USP53: variants seen among roughly 807,000 people sequenced by gnomAD.
USP53 encodes the protein ubiquitin specific peptidase 53.
In USP53, 71 loss-of-function variants were observed where a neutral mutation model predicts 94.9. The observed-to-expected ratio is 0.75, with a 90% CI of 0.62 to 0.91. The LOEUF (loss-of-function observed/expected upper bound fraction) is 0.91. Ranked by LOEUF, USP53 falls within the 40% of genes least tolerant of loss-of-function variation. The pLI is 0.00. For synonymous variants in USP53, 375 were observed against 422.7 expected, an observed-to-expected ratio of 0.89 and a Z score of 1.39; for missense variants, 1,173 against 1,281.0, an observed-to-expected ratio of 0.92 and a Z score of 1.29.
At chr4:119,247,687 A>G (rs1388063286) in intron 6 of USP53, among the ~76,000 whole-genome samples, 1 of 152,172 alleles carries the variant, frequency 6.6e-6, no homozygotes, top group East Asian at 1.9e-4. Context: ...TATACGAGGG[A>G]GGCAAAAAAT....
At chr4:119,283,135 G>C (rs949272184) in intron 17 of USP53, among the ~76,000 whole-genome samples, 3 of 151,818 alleles carry the variant, frequency 2.0e-5, no homozygotes, top group African/African-American at 7.3e-5. Context: ...TTATATTTGG[G>C]AACATTGTTT....
chr4:119,287,135 A>G (rs1268922458), intron 17 of USP53, among the ~76,000 whole-genome samples: 2 of 152,086 alleles, frequency 1.3e-5, no homozygotes, highest in South Asian at 2.1e-4. Flanking sequence ...TTTTGAGGCA[A>G]TTGTTTATTC....
intron 2 of USP53, among the ~76,000 whole-genome samples, chr4:119,215,394 T>C (rs79227693): frequency 0.04 from 6,116 of 152,274 alleles, 423 homozygotes; most frequent in African/African-American, 0.14. Flanking sequence ...TTATGTAATA[T>C]TGTAATCTTT....
At chr4:119,267,546 T>TTG in intron 13 of USP53, 64 bp downstream of exon 13, 4 of 1,459,892 alleles carry the variant, frequency 2.7e-6, no homozygotes, top group Non-Finnish European at 3.7e-6. Context: ...GGAATACTAG[T>TTG]ACTCTGAATA....
At chr4:119,242,550 T>C (rs574479065) in intron 5 of USP53, among the ~76,000 whole-genome samples, 13 of 152,246 alleles carry the variant, frequency 8.5e-5, no homozygotes, top group East Asian at 7.7e-4. Flanking sequence ...AGTTTCCTCA[T>C]AGTACACCCC....
intron 2 of USP53, among the ~76,000 whole-genome samples, chr4:119,215,539 A>G (rs1743604599): frequency 1.3e-5 from 2 of 152,218 alleles, no homozygotes; most frequent in Admixed American, 1.3e-4. Flanking sequence ...TGTTGAACCA[A>G]AAGCCCATGA....
intron 2 of USP53, among the ~76,000 whole-genome samples, chr4:119,214,914 A>G (rs1561168456): frequency 6.6e-6 from 1 of 152,206 alleles, no homozygotes; most frequent in Admixed American, 6.5e-5. Context: ...GCTTTACCCT[A>G]CAACTTTCCG....
At chr4:119,226,449 A>G (rs1391850362) in intron 3 of USP53, among the ~76,000 whole-genome samples, 1 of 152,224 alleles carries the variant, frequency 6.6e-6, no homozygotes, top group African/African-American at 2.4e-5. Context: ...CAAAAAATCA[A>G]TTATATTTCT....
intron 17 of USP53, among the ~76,000 whole-genome samples, chr4:119,279,543 GCTGT>G (rs35883626): frequency 0.29 from 42,649 of 148,228 alleles, 5,875 homozygotes; most frequent in East Asian, 0.37. Flanking sequence ...AGAGGTTACT[GCTGT>G]CTTTTTGTTT....
Position 119,267,461 on chromosome 4 carries a change from A to G in USP53, c.1114A>G (p.Lys372Glu). 6.2e-7 allele frequency: 1 copy of G among 1,606,744 alleles called. No individual in the cohort carries two copies. Among genetic ancestry groups the G allele is most frequent in the Non-Finnish European group, 8.5e-7 (1 of 1,178,234 alleles). ...LRQVISWSHY[K>E]SVAENMGCEK... ...GCAGGTCATCAGCTGGTCACATTAC[A>G]AATCTGTTGCAGAAAATATGGGTAA... Residue 372 changes from lysine (K) to glutamate (E), a missense_variant, in exon 13 of 19, where the codon AAA (lysine) becomes GAA (glutamate). Coordinates refer to ENST00000692078, the MANE Select transcript of USP53 (RefSeq NM_001371395.1).
At chr4:119,244,487 T>G (rs1747960080) in intron 5 of USP53, among the ~76,000 whole-genome samples, 1 of 152,192 alleles carries the variant, frequency 6.6e-6, no homozygotes, top group Admixed American at 6.5e-5. Flanking sequence ...ATTTGTTTGT[T>G]GTAATAGTAG....
chr4:119,252,049 A>G (rs1380987359), intron 7 of USP53, among the ~76,000 whole-genome samples: 1 of 152,180 alleles, frequency 6.6e-6, no homozygotes, highest in Non-Finnish European at 1.5e-5. Context: ...TGATTTGTGT[A>G]TGTTGAACCA....
At chr4:119,257,397 G>T (rs1365107646) in intron 9 of USP53, among the ~76,000 whole-genome samples, 1 of 152,118 alleles carries the variant, frequency 6.6e-6, no homozygotes, top group South Asian at 2.1e-4. Context: ...CTGAGATTGC[G>T]CCACTGCACT....
rs560243874 is a variant in USP53, at chr4:119,240,661, T to G, written c.144+758T>G. The stretch of plus-strand genomic sequence containing the variant: ...TTTTCATATGCATTGTTTTTTCTTT[T>G]GAAAACTAATAGAGAAAAATATTGT... On this transcript the variant is annotated intron_variant, in intron 5 of 18. Transcript: ENST00000692078. Among the ~76,000 whole-genome samples the G allele has an allele frequency of 2.0e-5, 3 of 152,276 alleles. No individual in the cohort carries two copies. The East Asian group carries it at 5.8e-4, about 29-fold the overall frequency.
intron 9 of USP53, 88 bp from the exon 10 acceptor site, chr4:119,259,732 C>G (rs574387609): frequency 1.2e-6 from 1 of 850,444 alleles, no homozygotes; most frequent in Non-Finnish European, 1.8e-6. Context: ...AAAAGTGATG[C>G]ACATCTAAAC....
At chr4:119,271,265 T>C in intron 15 of USP53, 31 bp from the exon 16 acceptor site, 1 of 1,524,248 alleles carries the variant, frequency 6.6e-7, no homozygotes, top group East Asian at 2.3e-5. Flanking sequence ...TGAGGAGTAA[T>C]TCATGTGTAT....
chr4:119,254,190 T>C (rs1749440288), intron 7 of USP53, among the ~76,000 whole-genome samples: 1 of 152,214 alleles, frequency 6.6e-6, no homozygotes, highest in African/African-American at 2.4e-5. Flanking sequence ...CTGACAATTA[T>C]GTGTCTTTTG....
intron 3 of USP53, among the ~76,000 whole-genome samples, chr4:119,226,217 T>A (rs1316486417): frequency 6.6e-6 from 1 of 152,168 alleles, no homozygotes; most frequent in East Asian, 1.9e-4. Flanking sequence ...ACCCTACACA[T>A]AAGGTTAAAG....
rs754728594 is a variant in USP53, at chr4:119,292,694, G to T, written c.2705G>T (p.Arg902Leu). 1 of 1,613,878 alleles carries T rather than the reference G, an allele frequency of 6.2e-7. No individual in the cohort carries two copies. The highest frequency in any genetic ancestry group is 1.3e-5 in the African/African-American group (1 of 74,950). ...ENSLSTECII[R>L]SASRSDGCQM... is the part of the protein sequence containing the mutation. ...TCTCTATCCACAGAATGTATAATTC[G>T]GTCAGCCAGCAGATCTGATGGGTGT... is the stretch of plus-strand genomic sequence containing the variant. The change falls in exon 19 of 19, where the codon CGG becomes CTG. Residue 902 changes from arginine to leucine, a missense_variant. Arg to Leu is a moderately radical substitution (Grantham distance 102). Transcript: ENST00000692078.
Sources: gnomAD v4.1 joint callset for allele counts (sites outside exome capture counted in the v4.1 genomes callset) on GRCh38, gnomAD v4.1.1 for gene constraint, MANE v1.5 for transcripts, NCBI Gene and HGNC (gene_info 2026-07-23, HGNC 2026-07-21) for gene names.